MTUS2: variants seen among roughly 807,000 people sequenced by gnomAD.
The protein encoded by MTUS2 is microtubule associated scaffold protein 2.
Under a neutral mutation model 114.1 loss-of-function variants are expected in MTUS2, and 40 were observed. The observed-to-expected ratio is 0.35, with a 90% confidence interval of 0.27 to 0.46. MTUS2 has a LOEUF of 0.46. Ranked by LOEUF, MTUS2 falls within the 20% of genes least tolerant of loss-of-function variation. The probability of loss-of-function intolerance (pLI) is 1.00; values close to 1 mark genes in which losing one functional copy is unlikely to be tolerated. For missense variants in MTUS2, 1,679 were observed against 1,705.4 expected (o/e 0.98, Z 0.27); for synonymous variants, 688 against 672.0 (o/e 1.02, Z -0.37).
intron 2 of MTUS2, among the ~76,000 whole-genome samples, chr13:28,986,128 A>C (rs1177805113): frequency 1.3e-5 from 2 of 151,968 alleles, no homozygotes; most frequent in Non-Finnish European, 2.9e-5. Flanking sequence ...TTTGGGTCTG[A>C]AGCAGCATCT....
intron 6 of MTUS2, among the ~76,000 whole-genome samples, chr13:29,310,929 C>T (rs913500090): frequency 6.6e-5 from 10 of 152,134 alleles, no homozygotes; most frequent in African/African-American, 2.4e-4. Flanking sequence ...CAAGCCTGTT[C>T]AAAGCAGCAT....
At chr13:28,985,818 G>A (rs1884560244) in intron 2 of MTUS2, among the ~76,000 whole-genome samples, 1 of 152,150 alleles carries the variant, frequency 6.6e-6, no homozygotes, top group African/African-American at 2.4e-5. Flanking sequence ...CATCCAATCA[G>A]TTTTAGGCCT....
rs536527973 is a variant in MTUS2 at position 29,156,810 on chromosome 13, A to G, written c.2644+55840A>G. ...TTCTGATACTCAACACTCAAAATGA[A>G]TATGAATTTTTCCCGCTTTGTTACC... On this transcript the variant is annotated intron_variant, in intron 5 of 15. Transcript: ENST00000612955. Among the ~76,000 whole-genome samples, 8 of 152,276 alleles carry G rather than the reference A, an allele frequency of 5.3e-5. No homozygotes were observed. In the South Asian group the frequency reaches 1.5e-3, roughly 28 times the overall value.
chr13:29,237,649 T>C (rs981165087), intron 5 of MTUS2, among the ~76,000 whole-genome samples: 1 of 152,244 alleles, frequency 6.6e-6, no homozygotes, highest in Non-Finnish European at 1.5e-5. Flanking sequence ...ATTACTTCTG[T>C]GACTTCGATT....
chr13:28,894,283 GGGGGGGGAGAGAGAGAGAGA>G (rs1879103767), intron 2 of MTUS2, among the ~76,000 whole-genome samples: 1 of 38,290 alleles, frequency 2.6e-5, no homozygotes, highest in Non-Finnish European at 4.7e-5. Context: ...AGTTGGTGGG[GGGGGGGGAGAGAGAGAGAGA>G]GGGGGGGGGG....
At chr13:28,913,035 A>C (rs1367991276) in intron 2 of MTUS2, among the ~76,000 whole-genome samples, 5 of 152,078 alleles carry the variant, frequency 3.3e-5, no homozygotes, top group African/African-American at 1.2e-4. Context: ...GGTTTTCTAG[A>C]TATAGGATGA....
At chr13:29,364,573 G>A (rs1000478947) in intron 8 of MTUS2, among the ~76,000 whole-genome samples, 8 of 152,180 alleles carry the variant, frequency 5.3e-5, no homozygotes, top group African/African-American at 1.9e-4. Flanking sequence ...TTAAAGGGCA[G>A]GAGAGAAGAG....
At chr13:28,912,866 T>TTA (rs1880525845) in intron 2 of MTUS2, among the ~76,000 whole-genome samples, 1 of 152,066 alleles carries the variant, frequency 6.6e-6, no homozygotes, top group Non-Finnish European at 1.5e-5. Flanking sequence ...TGCACATTTT[T>TTA]AAAAAAAATT....
chr13:29,401,546 T>C (rs1874350592), intron 8 of MTUS2, among the ~76,000 whole-genome samples: 1 of 152,162 alleles, frequency 6.6e-6, no homozygotes, highest in Non-Finnish European at 1.5e-5. Flanking sequence ...TGACTTGAGA[T>C]AGAGGGGTTT....
intron 5 of MTUS2, among the ~76,000 whole-genome samples, chr13:29,272,762 A>C (rs565084246): frequency 6.6e-6 from 1 of 152,324 alleles, no homozygotes; most frequent in East Asian, 1.9e-4. Flanking sequence ...CTGAATTTGC[A>C]TGTGTCTTCC....
At chr13:29,004,996 C>T (rs1885543461) in intron 2 of MTUS2, among the ~76,000 whole-genome samples, 1 of 152,172 alleles carries the variant, frequency 6.6e-6, no homozygotes, top group Non-Finnish European at 1.5e-5. Flanking sequence ...TTCAGGGCTG[C>T]TCTCTAGAGG....
rs60135574 is a variant in MTUS2, at chr13:29,232,296, ACGCGCGCG to A, written c.2645-49404_2645-49397del. ...CATACATACACACACACACACACAC[ACGCGCGCG>A]CGCACACACACACACACACGCACAC... On this transcript the variant is annotated intron_variant, in intron 5 of 15. Transcript: ENST00000612955. Among the ~76,000 whole-genome samples, 547 of 148,626 alleles carry A rather than the reference ACGCGCGCG, an allele frequency of 3.7e-3. 3 individuals are homozygous for A. The highest frequency in any genetic ancestry group is 7.2e-3 in the East Asian group (37 of 5,152).
In MTUS2 at chr13:29,168,888, C is replaced by CTGTGTGTGTGTGTGTGTGTGTGTGTG. The variant is rs57636866; in HGVS notation, c.2644+67923_2644+67948dup. On this transcript the variant is annotated intron_variant, in intron 5 of 15. Transcript: ENST00000612955. ...ATTTGTCTCCTTTCACTTTATGAAT[C>CTGTGTGTGTGTGTGTGTGTGTGTGTG]TGTGTGTGTGTGTGTGTGTGTGTGT... Among the ~76,000 whole-genome samples, 398 of 138,466 alleles carry CTGTGTGTGTGTGTGTGTGTGTGTGTG rather than the reference C, an allele frequency of 2.9e-3. 4 individuals carry two copies. Among genetic ancestry groups the CTGTGTGTGTGTGTGTGTGTGTGTGTG allele is most frequent in the Non-Finnish European group, 4.0e-3 (257 of 64,824 alleles). 90.8% of individuals were successfully genotyped at this position (138,466 alleles called of 152,430 possible).
At chr13:29,049,751 G>A (rs913099555) in intron 4 of MTUS2, among the ~76,000 whole-genome samples, 1 of 152,220 alleles carries the variant, frequency 6.6e-6, no homozygotes, top group Non-Finnish European at 1.5e-5. Flanking sequence ...GGAGGCAGGA[G>A]TATCCACAGC....
intron 5 of MTUS2, among the ~76,000 whole-genome samples, chr13:29,224,687 T>C (rs1272963134): frequency 6.6e-6 from 1 of 152,258 alleles, no homozygotes; most frequent in Non-Finnish European, 1.5e-5. Context: ...GATAAATTCA[T>C]GTAGTGCTTT....
intron 5 of MTUS2, among the ~76,000 whole-genome samples, chr13:29,115,287 C>T (rs779783747): frequency 7.2e-5 from 11 of 152,186 alleles, no homozygotes; most frequent in Non-Finnish European, 1.5e-4. Context: ...TGAATATATG[C>T]AGGTCGTACA....
intron 6 of MTUS2, among the ~76,000 whole-genome samples, chr13:29,323,324 A>C (rs1900333982): frequency 6.6e-6 from 1 of 150,746 alleles, no homozygotes; most frequent in Admixed American, 6.6e-5. Context: ...ATCTCGGCTC[A>C]CTGCAAGCGC....
At chr13:29,069,514 C>A (rs1475319280) in intron 4 of MTUS2, among the ~76,000 whole-genome samples, 1 of 152,168 alleles carries the variant, frequency 6.6e-6, no homozygotes, top group African/African-American at 2.4e-5. Context: ...ATGCTAATAT[C>A]TTCTAAAAAC....
intron 5 of MTUS2, among the ~76,000 whole-genome samples, chr13:29,134,410 C>A (rs1426993817): frequency 6.6e-6 from 1 of 152,018 alleles, no homozygotes; most frequent in African/African-American, 2.4e-5. Flanking sequence ...TTCAAGCTCT[C>A]TATTCTTTAC....
Sources: allele counts gnomAD v4.1 joint callset (sites outside exome capture counted in the v4.1 genomes callset), GRCh38; gene constraint gnomAD v4.1.1; transcripts MANE v1.5; gene names NCBI Gene and HGNC (gene_info 2026-07-23, HGNC 2026-07-21).